ASH2L: variants seen among roughly 807,000 people sequenced by gnomAD.
ASH2L encodes ASH2 like, histone lysine methyltransferase complex subunit.
Under a neutral mutation model 81.1 loss-of-function variants are expected in ASH2L, and 30 were observed. The ratio of observed to expected loss-of-function variants is 0.37; its 90% CI spans 0.28 to 0.50. ASH2L has a LOEUF of 0.50. ASH2L is among the 20% of genes least tolerant of loss of function. The probability of loss-of-function intolerance (pLI) is 0.95; values close to 1 mark genes in which losing one functional copy is unlikely to be tolerated. For missense variants in ASH2L, 559 were observed against 792.1 expected, an observed-to-expected ratio of 0.71 and a Z score of 3.53; for synonymous variants, 273 against 279.9, an observed-to-expected ratio of 0.98 and a Z score of 0.24.
chr8:38,116,088 C>T (rs1810884138), intron 7 of ASH2L, among the ~76,000 whole-genome samples: 3 of 152,042 alleles, frequency 2.0e-5, no homozygotes, highest in Admixed American at 2.0e-4. Context: ...TTAGGCCAGG[C>T]ATGGTGGCTC....
intron 7 of ASH2L, among the ~76,000 whole-genome samples, chr8:38,116,218 T>C (rs1408843774): frequency 1.3e-5 from 2 of 151,974 alleles, no homozygotes; most frequent in East Asian, 1.9e-4. Context: ...TACAAAACTT[T>C]AGCTGGGTAT....
chr8:38,111,352 G>A (rs1810672720), intron 5 of ASH2L, among the ~76,000 whole-genome samples: 1 of 152,154 alleles, frequency 6.6e-6, no homozygotes, highest in African/African-American at 2.4e-5. Context: ...GCCTCTCAAA[G>A]TGCTGGGATT....
intron 3 of ASH2L, among the ~76,000 whole-genome samples, chr8:38,108,457 G>A (rs1040811277): frequency 6.6e-6 from 1 of 151,284 alleles, no homozygotes; most frequent in African/African-American, 2.4e-5. Context: ...ACAACAGTTT[G>A]TAACTGAATT....
chr8:38,111,284 T>G (rs1810669615), intron 5 of ASH2L, among the ~76,000 whole-genome samples: 1 of 152,126 alleles, frequency 6.6e-6, no homozygotes, highest in African/African-American at 2.4e-5. Context: ...AGTGCAGTGG[T>G]GTGATCATGG....
intron 5 of ASH2L, among the ~76,000 whole-genome samples, chr8:38,113,727 A>G (rs374575717): frequency 3.9e-4 from 60 of 152,256 alleles, no homozygotes; most frequent in African/African-American, 1.4e-3. Context: ...GACTGGTTCT[A>G]AGTTATCAGG....
At chr8:38,131,953 A>G (rs1802076009) in intron 12 of ASH2L, among the ~76,000 whole-genome samples, 1 of 152,048 alleles carries the variant, frequency 6.6e-6, no homozygotes, top group South Asian at 2.1e-4. Flanking sequence ...GGTTCAAGCA[A>G]TTCTCCTGCT....
chr8:38,106,560 TGCAGTG>T (rs1009661050), intron 2 of ASH2L, 116 bp downstream of exon 2: 1 of 828,046 alleles, frequency 1.2e-6, no homozygotes, highest in Non-Finnish European at 1.9e-6. Flanking sequence ...CAGGCTGGAA[TGCAGTG>T]GCGCGATCTC....
intron 6 of ASH2L, 42 bp downstream of exon 6, chr8:38,114,329 C>T (rs775804173): frequency 7.1e-6 from 9 of 1,264,516 alleles, no homozygotes; most frequent in Admixed American, 2.2e-5. Context: ...TTTAAAAAAC[C>T]ATTGTTTTTT....
chr8:38,125,358 C>CGCCT (rs1197693337), intron 10 of ASH2L, among the ~76,000 whole-genome samples: 1 of 152,122 alleles, frequency 6.6e-6, no homozygotes, highest in African/African-American at 2.4e-5. Flanking sequence ...CAGTGGCTCA[C>CGCCT]GCCTGTAATC....
chr8:38,130,020 A>G (rs889127881), intron 12 of ASH2L, among the ~76,000 whole-genome samples: 1 of 152,184 alleles, frequency 6.6e-6, no homozygotes, highest in Non-Finnish European at 1.5e-5. Context: ...TGAGGGTTTT[A>G]GTTGCTGACA....
In ASH2L at chr8:38,121,034, G is replaced by A. The variant is rs766201172; in HGVS notation, c.1050G>A (p.Pro350=). 17 of 1,613,552 alleles carry A rather than the reference G, an allele frequency of 1.1e-5. No homozygotes were observed. In the South Asian group the frequency reaches 1.3e-4, roughly 13 times the overall value. ...GGTATATTCTAGCTGAGCCTGATCC[G>A]CACGCCCCTGACCCCGAGAAGCTGG... ...GYRYILAEPD[P]HAPDPEKLEL... Residue 350 remains proline, a synonymous_variant, in exon 10 of 16, where the codon CCG becomes CCA. Transcript: ENST00000343823.
chr8:38,106,492 T>C (rs1810438564), intron 2 of ASH2L, 48 bp downstream of exon 2: 1 of 1,474,168 alleles, frequency 6.8e-7, no homozygotes, highest in African/African-American at 1.4e-5. Flanking sequence ...TTGTTTTAGT[T>C]ATTTCTTCTT....
chr8:38,130,431 A>C (rs1446056861), intron 12 of ASH2L, among the ~76,000 whole-genome samples: 5 of 149,634 alleles, frequency 3.3e-5, no homozygotes, highest in African/African-American at 7.4e-5. Flanking sequence ...CCAAAGTTTT[A>C]GTTTTTATGA....
chr8:38,138,631 C>T (rs1004267464), intron 14 of ASH2L, 185 bp from the exon 15 acceptor site: 1 of 553,926 alleles, frequency 1.8e-6, no homozygotes, highest in African/African-American at 1.9e-5. Context: ...CTTTTAGTTA[C>T]CTAATTCTTG....
intron 12 of ASH2L, among the ~76,000 whole-genome samples, chr8:38,130,717 G>A (rs1585603169): frequency 6.6e-6 from 1 of 152,052 alleles, no homozygotes; most frequent in East Asian, 1.9e-4. Context: ...TCCAGCCTTA[G>A]CCTCCCGATT....
At position 38,121,081 on chromosome 8, in the gene ASH2L, A is replaced by G. The variant is rs1811123710; in HGVS notation, c.1097A>G (p.Lys366Arg). 1.9e-6 allele frequency: 3 copies of G among 1,613,414 alleles called. No homozygotes were observed. In the South Asian group the frequency reaches 3.3e-5, roughly 18 times the overall value. The change falls in exon 10 of 16, where the codon AAA (lysine) becomes AGA (arginine). Residue 366 changes from lysine to arginine, a missense_variant. This residue lies in a region of ASH2L where 318 missense variants were observed against 527.0 expected (regional missense o/e 0.60). Coordinates refer to ENST00000343823, the MANE Select transcript of ASH2L (RefSeq NM_004674.5). ...EKLELDCWAG[K>R]PIPGDLYRAC... ...CTGGAACTTGACTGCTGGGCAGGAA[A>G]ACCTATTCCTGGAGACCTCTACAGA...
intron 10 of ASH2L, chr8:38,124,128 A>G (rs1314642059): frequency 6.6e-6 from 1 of 152,192 alleles, no homozygotes; most frequent in African/African-American, 2.4e-5. Flanking sequence ...CGTGTGAGCC[A>G]CTGCGCCCAG....
rs1429287342 is a variant in ASH2L at position 38,139,320 on chromosome 8, C to G, written c.*249C>G. The G allele has an allele frequency of 9.3e-6, 4 of 429,986 alleles. No individual in the cohort carries two copies. The highest frequency in any genetic ancestry group is 1.7e-5 in the Non-Finnish European group (4 of 239,512). The allele number at this position is 429,986 out of a possible 1,614,324, so 26.6% of individuals were successfully genotyped here. A position where few individuals can be genotyped will look rare whatever the true frequency, so the allele number is the denominator to read the frequency against. On this transcript the variant is annotated 3_prime_UTR_variant, in exon 16 of 16. Coordinates refer to ENST00000343823, the MANE Select transcript of ASH2L (RefSeq NM_004674.5). ...CTGACTCCAGGATTGCATAAGCCCC[C>G]TGTGAAATCGGTGCTGTACTGCATA...
chr8:38,132,441 C>A (rs772182579), intron 12 of ASH2L, among the ~76,000 whole-genome samples: 1 of 152,136 alleles, frequency 6.6e-6, no homozygotes, highest in Non-Finnish European at 1.5e-5. Flanking sequence ...CCAGAGACCA[C>A]CTGTGGGAAC....
Sources: allele counts gnomAD v4.1 joint callset (sites outside exome capture counted in the v4.1 genomes callset), GRCh38; gene constraint gnomAD v4.1.1; regional missense constraint gnomAD v4.1.1; transcripts MANE v1.5; gene names NCBI Gene and HGNC (gene_info 2026-07-23, HGNC 2026-07-21).